MORC3: variants seen among roughly 807,000 people sequenced by gnomAD.
MORC3 encodes MORC family CW-type zinc finger 3.
In MORC3, 31 loss-of-function variants were observed where a neutral mutation model predicts 109.1. The ratio of observed to expected loss-of-function variants is 0.28; its 90% CI spans 0.21 to 0.38. The LOEUF (loss-of-function observed/expected upper bound fraction) is 0.38, where lower values mean the gene tolerates loss of function less well. MORC3 is among the 10% of genes least tolerant of loss of function. The pLI is 1.00. For missense variants in MORC3, 867 were observed against 1,135.8 expected, an observed-to-expected ratio of 0.76 and a Z score of 3.40; for synonymous variants, 395 against 380.7, an observed-to-expected ratio of 1.04 and a Z score of -0.44.
intron 13 of MORC3, among the ~76,000 whole-genome samples, chr21:36,362,960 CA>C (rs1218385026): frequency 2.0e-5 from 3 of 152,134 alleles, no homozygotes; most frequent in African/African-American, 7.2e-5. Context: ...CCCAGGAAGC[CA>C]TATTTTAGTG....
intron 1 of MORC3, among the ~76,000 whole-genome samples, chr21:36,332,686 A>G (rs563527906): frequency 4.5e-4 from 68 of 151,694 alleles, no homozygotes; most frequent in African/African-American, 1.4e-3. Context: ...AAGAATTTGT[A>G]CAGTTAGTTT....
intron 6 of MORC3, among the ~76,000 whole-genome samples, chr21:36,343,690 G>A (rs927791377): frequency 2.6e-5 from 4 of 151,612 alleles, no homozygotes; most frequent in East Asian, 1.9e-4. Context: ...CTCGTGATCC[G>A]CCCGCCTCGG....
chr21:36,325,079 C>T (rs957166739), intron 1 of MORC3, among the ~76,000 whole-genome samples: 2 of 152,110 alleles, frequency 1.3e-5, no homozygotes, highest in African/African-American at 2.4e-5. Context: ...AGAGCTAGTC[C>T]TTTGGTGGGC....
rs765655880 is a variant in MORC3, at chr21:36,360,241, A to G, written c.1389A>G (p.Glu463=). The G allele has an allele frequency of 9.3e-6, 15 of 1,613,782 alleles. No individual in the cohort carries two copies. In the South Asian group the frequency reaches 1.5e-4, roughly 17 times the overall value. ...AGGATTTGGTACATCCCACTTATGA[A>G]AAAACCTACAAAAAGACGTGAGTGT... ...EDEDLVHPTY[E]KTYKKTNKEK... Residue 463 remains glutamate (E), a synonymous_variant, in exon 12 of 17, where the codon GAA becomes GAG. Coordinates refer to ENST00000400485, the MANE Select transcript of MORC3 (RefSeq NM_015358.3).
chr21:36,372,671 T>A, intron 16 of MORC3, 140 bp downstream of exon 16: 2 of 836,038 alleles, frequency 2.4e-6, no homozygotes, highest in African/African-American at 1.8e-5. Context: ...GGTGTTATGA[T>A]AGATAAAAAA....
chr21:36,327,913 G>A lies in MORC3; in HGVS notation c.40-5733G>A, dbSNP rs551930158. Among the ~76,000 whole-genome samples, 129 of 151,364 alleles carry A rather than the reference G, an allele frequency of 8.5e-4. 6 individuals carry two copies. In the South Asian group the frequency reaches 0.027, roughly 31 times the overall value. On this transcript the variant is annotated intron_variant, in intron 1 of 16. Transcript: ENST00000400485. ...TTTTTCTGAGACAGAGTCTTGTTCT[G>A]TTGCCCAGTCTGGAGTGCAGTGGCA...
chr21:36,352,436 A>G (rs549751093), intron 9 of MORC3, among the ~76,000 whole-genome samples: 11 of 152,216 alleles, frequency 7.2e-5, no homozygotes, highest in African/African-American at 1.7e-4. Context: ...ATAAAGCTCT[A>G]TTACAGGTTG....
At chr21:36,347,808 A>G (rs1410702254) in intron 8 of MORC3, 1 of 152,218 alleles carries the variant, frequency 6.6e-6, no homozygotes, top group East Asian at 1.9e-4. Context: ...GAGGCTTCTG[A>G]GAGTATGACA....
chr21:36,373,092 C>T (rs1352733456), intron 16 of MORC3, among the ~76,000 whole-genome samples: 1 of 152,168 alleles, frequency 6.6e-6, no homozygotes, highest in African/African-American at 2.4e-5. Flanking sequence ...ATAATTCTAG[C>T]ACTTTGGGAG....
rs1256284846 is a variant in MORC3, at chr21:36,323,753, G to C, written c.39+3450G>C. On this transcript the variant is annotated intron_variant, in intron 1 of 16. Transcript: ENST00000400485. The stretch of plus-strand genomic sequence containing the variant: ...TGGAAGCTCAAGTCCTTAACATCTG[G>C]AAAATGTTCTTACTTATTTTGACAA... Among the ~76,000 whole-genome samples, 4 of 152,044 alleles carry C rather than the reference G, an allele frequency of 2.6e-5. 1 individual carries two copies. Among genetic ancestry groups the C allele is most frequent in the Non-Finnish European group, 5.9e-5 (4 of 68,004 alleles).
At chr21:36,370,765 G>A (rs1371267291) in intron 15 of MORC3, among the ~76,000 whole-genome samples, 1 of 149,130 alleles carries the variant, frequency 6.7e-6, no homozygotes, top group Non-Finnish European at 1.5e-5. Flanking sequence ...CACCTCCCGA[G>A]TTCAAGCGAT....
chr21:36,331,241 CAA>C (rs747276811), intron 1 of MORC3, among the ~76,000 whole-genome samples: 1 of 151,948 alleles, frequency 6.6e-6, no homozygotes, highest in African/African-American at 2.4e-5. Flanking sequence ...TCAGAATGAA[CAA>C]AAAAATTGCA....
chr21:36,355,350 A>G (rs1239959627), intron 9 of MORC3, among the ~76,000 whole-genome samples: 2 of 152,212 alleles, frequency 1.3e-5, no homozygotes, highest in South Asian at 2.1e-4. Flanking sequence ...TGGCAAGTTA[A>G]TTCCTGACTT....
At chr21:36,328,066 G>A (rs1490659694) in intron 1 of MORC3, among the ~76,000 whole-genome samples, 1 of 151,736 alleles carries the variant, frequency 6.6e-6, no homozygotes, top group Non-Finnish European at 1.5e-5. Context: ...TAGTAGAGAC[G>A]GGGTTTCACC....
At chr21:36,343,798 G>T (rs2085478375) in intron 6 of MORC3, among the ~76,000 whole-genome samples, 1 of 151,900 alleles carries the variant, frequency 6.6e-6, no homozygotes, top group Non-Finnish European at 1.5e-5. Context: ...CCAAGCTGTG[G>T]ATGTATTTGT....
intron 1 of MORC3, chr21:36,320,717 C>G (rs893361275): frequency 5.7e-6 from 1 of 176,284 alleles, no homozygotes; most frequent in Non-Finnish European, 1.2e-5. Context: ...GCGGCCTCGA[C>G]GTCCCGGGGG....
chr21:36,360,167 G>T lies in MORC3; in HGVS notation c.1332-17G>T, dbSNP rs748934337. On this transcript the variant is annotated splice_polypyrimidine_tract_variant and intron_variant, in intron 11 of 16. Coordinates refer to ENST00000400485, the MANE Select transcript of MORC3 (RefSeq NM_015358.3). ...GGCGCTGGTGACATGTTATTCCTAT[G>T]TGATTTTTCTGAATAGAAATTGTGA... The T allele has an allele frequency of 1.2e-6, 2 of 1,614,064 alleles. No homozygotes were observed. Among genetic ancestry groups the T allele is most frequent in the Admixed American group, 3.3e-5 (2 of 60,016 alleles).
chr21:36,366,128 C>G (rs764860666), intron 14 of MORC3, among the ~76,000 whole-genome samples: 1 of 152,146 alleles, frequency 6.6e-6, no homozygotes, highest in South Asian at 2.1e-4. Context: ...ATGATACCAT[C>G]GCCCAGCTAT....
At position 36,320,294 on chromosome 21, in the gene MORC3, C is replaced by T. The variant is rs780588696; in HGVS notation, c.30C>T (p.Arg10=). MAAQPPRGI[R]LSALCPKFLH... Reference sequence around the variant, plus strand: ...CGGCGCAGCCACCCCGCGGGATACGCCTCAGCGCGGTGAGCAGCCGCGAGG... The same window carrying T: ...CGGCGCAGCCACCCCGCGGGATACGTCTCAGCGCGGTGAGCAGCCGCGAGG... Residue 10 remains arginine (R), a synonymous_variant, in exon 1 of 17, where the codon CGC becomes CGT. Transcript: ENST00000400485. 1.2e-5 allele frequency: 19 copies of T among 1,564,146 alleles called. No homozygotes were observed. In the East Asian group the frequency reaches 1.7e-4, roughly 14 times the overall value.
Sources: gnomAD v4.1 joint callset for allele counts (sites outside exome capture counted in the v4.1 genomes callset) on GRCh38, gnomAD v4.1.1 for gene constraint, MANE v1.5 for transcripts, NCBI Gene and HGNC (gene_info 2026-07-23, HGNC 2026-07-21) for gene names.